The following PARD3 variants were observed in gnomAD, a reference collection of about 807,000 sequenced individuals.
The protein encoded by PARD3 is partitioning defective 3 homolog.
Under a neutral mutation model 155.4 loss-of-function variants are expected in PARD3, and 75 were observed. That is an observed-to-expected ratio of 0.48 (90% CI 0.40 to 0.58). The LOEUF (loss-of-function observed/expected upper bound fraction) is 0.58, where lower values mean the gene tolerates loss of function less well. PARD3 is among the 20% of genes least tolerant of loss of function. The pLI, the probability that PARD3 is intolerant of heterozygous loss-of-function variation, is 0.00. For missense variants in PARD3, 1,642 were observed against 1,721.7 expected, an observed-to-expected ratio of 0.95 and a Z score of 0.82; for synonymous variants, 576 against 610.5, an observed-to-expected ratio of 0.94 and a Z score of 0.83.
At chr10:34,539,169 C>G (rs2133866086) in intron 2 of PARD3, among the ~76,000 whole-genome samples, 1 of 152,240 alleles carries the variant, frequency 6.6e-6, no homozygotes, top group East Asian at 1.9e-4. Context: ...TGCCTAAAAT[C>G]TGAACAACTC....
chr10:34,708,908 G>A, intron 1 of PARD3, among the ~76,000 whole-genome samples: 1 of 152,150 alleles, frequency 6.6e-6, no homozygotes, highest in East Asian at 1.9e-4. Context: ...TTGTCCATGT[G>A]ATAATAGCTT....
chr10:34,795,725 T>A (rs943901653), intron 1 of PARD3, among the ~76,000 whole-genome samples: 14 of 152,142 alleles, frequency 9.2e-5, no homozygotes, highest in Admixed American at 3.3e-4. Context: ...AGAAACTCCA[T>A]CTCTGCTAAA....
rs777304826 is a variant in PARD3, at chr10:34,359,307, A to G, written c.1907T>C (p.Leu636Pro). The stretch of plus-strand genomic sequence containing the variant: ...TGCTATCAGTTGATCATTCACCCGA[A>G]GCCTTCCATCCTGGGAAGAAAACAG... ...NGGAASKDGR[L>P]RVNDQLIAVN... is the part of the protein sequence containing the mutation. The change falls in exon 14 of 25, where the codon CTT becomes CCT. Residue 636 changes from leucine to proline, a missense_variant. By Grantham distance (98) the Leu-to-Pro change is moderately conservative. Around this residue, in one of 3 missense-constraint regions of PARD3, gnomAD observed 1,529 missense variants for 1,587.3 expected, o/e 0.96. Coordinates refer to ENST00000374788, the MANE Select transcript of PARD3 (RefSeq NM_001184785.2). The G allele has an allele frequency of 6.2e-7, 1 of 1,613,570 alleles. No homozygotes were observed. Among genetic ancestry groups the G allele is most frequent in the Non-Finnish European group, 8.5e-7 (1 of 1,179,686 alleles).
At chr10:34,492,900 A>G (rs981065461) in intron 3 of PARD3, among the ~76,000 whole-genome samples, 54 of 152,244 alleles carry the variant, frequency 3.5e-4, no homozygotes, top group Non-Finnish European at 7.3e-5. Context: ...AATATCGCTA[A>G]AGCGTTTTTC....
At chr10:34,115,488 CAGA>C (rs904761212) in intron 24 of PARD3, among the ~76,000 whole-genome samples, 1 of 152,086 alleles carries the variant, frequency 6.6e-6, no homozygotes, top group Non-Finnish European at 1.5e-5. Context: ...ATCTCAATGA[CAGA>C]GGAGCAATTT....
chr10:34,727,845 G>C (rs1301931217), intron 1 of PARD3, among the ~76,000 whole-genome samples: 1 of 139,020 alleles, frequency 7.2e-6, no homozygotes, highest in Admixed American at 7.2e-5. Context: ...CACGCACGCA[G>C]GTGAAACACA....
chr10:34,702,933 T>C (rs2094305705), intron 1 of PARD3, among the ~76,000 whole-genome samples: 1 of 151,960 alleles, frequency 6.6e-6, no homozygotes, highest in Non-Finnish European at 1.5e-5. Flanking sequence ...CCAGAGACTG[T>C]ATAAAAAGAT....
chr10:34,617,875 CTTT>C (rs1564422823), intron 2 of PARD3, among the ~76,000 whole-genome samples: 1 of 151,986 alleles, frequency 6.6e-6, no homozygotes, highest in Non-Finnish European at 1.5e-5. Flanking sequence ...TTTTTTTTTA[CTTT>C]TTTATTTCTC....
intron 1 of PARD3, among the ~76,000 whole-genome samples, chr10:34,760,158 A>G (rs751539688): frequency 1.7e-4 from 26 of 150,302 alleles, no homozygotes; most frequent in African/African-American, 4.4e-4. Context: ...CCCCTCCCCA[A>G]TCTACCTTTT....
intron 22 of PARD3, among the ~76,000 whole-genome samples, chr10:34,248,812 C>T (rs1474194301): frequency 2.0e-5 from 3 of 152,330 alleles, no homozygotes; most frequent in African/African-American, 7.2e-5. Context: ...TATTAAAATT[C>T]ATACTCACAC....
At chr10:34,368,600 G>T (rs1051637882) in intron 12 of PARD3, among the ~76,000 whole-genome samples, 1 of 151,874 alleles carries the variant, frequency 6.6e-6, no homozygotes, top group Non-Finnish European at 1.5e-5. Context: ...TGAACCCGGG[G>T]GGTGGAGCTT....
chr10:34,599,331 C>T (rs572992893), intron 2 of PARD3, among the ~76,000 whole-genome samples: 2 of 152,270 alleles, frequency 1.3e-5, no homozygotes, highest in South Asian at 2.1e-4. Flanking sequence ...CCCGATTCCA[C>T]GGCTCTCTCC....
At chr10:34,274,121 A>T (rs951456647) in intron 21 of PARD3, among the ~76,000 whole-genome samples, 10 of 152,172 alleles carry the variant, frequency 6.6e-5, no homozygotes, top group Admixed American at 6.6e-4. Context: ...TCAAAAGTGA[A>T]TATTAGGAAG....
chr10:34,575,554 A>T (rs558991697), intron 2 of PARD3, among the ~76,000 whole-genome samples: 222 of 152,272 alleles, frequency 1.5e-3, no homozygotes, highest in Non-Finnish European at 2.2e-3. Context: ...CTCATATTTC[A>T]TATCTCCTAA....
chr10:34,282,027 C>G (rs561975959), intron 21 of PARD3, among the ~76,000 whole-genome samples: 1 of 151,838 alleles, frequency 6.6e-6, no homozygotes, highest in Non-Finnish European at 1.5e-5. Context: ...TTTCCATTCT[C>G]AAAAAGAACA....
chr10:34,370,731 C>T (rs1360439439), intron 12 of PARD3, among the ~76,000 whole-genome samples: 2 of 151,924 alleles, frequency 1.3e-5, no homozygotes, highest in Non-Finnish European at 2.9e-5. Flanking sequence ...ATAGCTCTTC[C>T]CCTAAGGATC....
chr10:34,581,790 T>G (rs2087515478), intron 2 of PARD3, among the ~76,000 whole-genome samples: 1 of 152,296 alleles, frequency 6.6e-6, no homozygotes, highest in Non-Finnish European at 1.5e-5. Context: ...TGAGAGGCAG[T>G]CTGGGAAAGA....
At chr10:34,809,123 T>A (rs1367272289) in intron 1 of PARD3, among the ~76,000 whole-genome samples, 1 of 152,232 alleles carries the variant, frequency 6.6e-6, no homozygotes, top group African/African-American at 2.4e-5. Flanking sequence ...TAGTTTCCAT[T>A]ACAAGCTGTT....
intron 23 of PARD3, among the ~76,000 whole-genome samples, chr10:34,130,287 C>T (rs1947537750): frequency 1.3e-5 from 2 of 152,114 alleles, no homozygotes; most frequent in South Asian, 4.2e-4. Flanking sequence ...GCTATACTTG[C>T]CACCCCACCT....
Sources: allele counts gnomAD v4.1 joint callset (sites outside exome capture counted in the v4.1 genomes callset), GRCh38; gene constraint gnomAD v4.1.1; regional missense constraint gnomAD v4.1.1; transcripts MANE v1.5; gene names NCBI Gene and HGNC (gene_info 2026-07-23, HGNC 2026-07-21).